The following CCDC171 variants were observed in gnomAD, a reference collection of about 807,000 sequenced individuals.
CCDC171 encodes coiled-coil domain-containing protein 171.
CCDC171 carries 177 observed loss-of-function variants against 168.2 expected under a neutral mutation model. That is an observed-to-expected ratio of 1.05 (90% CI 0.93 to 1.19). The LOEUF is 1.19. Ranked by LOEUF, CCDC171 falls within the 50% of genes most tolerant of loss-of-function variation. CCDC171 has a pLI of 0.00. For missense variants in CCDC171, 1,991 were observed against 1,539.0 expected, an observed-to-expected ratio of 1.29 and a Z score of -4.91; for synonymous variants, 687 against 540.8, an observed-to-expected ratio of 1.27 and a Z score of -3.75.
chr9:15,688,276 T>G (rs1478653921), intron 10 of CCDC171, among the ~76,000 whole-genome samples: 1 of 152,126 alleles, frequency 6.6e-6, no homozygotes, highest in Non-Finnish European at 1.5e-5. Flanking sequence ...GGTTCACTGG[T>G]AAATTTATTT....
chr9:15,881,286 C>G (rs1205274790), intron 24 of CCDC171, among the ~76,000 whole-genome samples: 1 of 152,072 alleles, frequency 6.6e-6, no homozygotes, highest in Non-Finnish European at 1.5e-5. Context: ...AAATGAAATA[C>G]TAAGGTGCGT....
At chr9:15,619,576 T>C (rs1304986784) in intron 6 of CCDC171, among the ~76,000 whole-genome samples, 1 of 152,170 alleles carries the variant, frequency 6.6e-6, no homozygotes, top group Non-Finnish European at 1.5e-5. Context: ...GAGAGATTGG[T>C]TCATGACTTT....
chr9:16,048,263 T>A (rs1347624193), intron 1 of CCDC171, among the ~76,000 whole-genome samples: 2 of 152,184 alleles, frequency 1.3e-5, no homozygotes, highest in Non-Finnish European at 2.9e-5. Context: ...GGGAAACGTG[T>A]AGAGCTCTTA....
chr9:15,897,561 A>G (rs1462994865), intron 24 of CCDC171, among the ~76,000 whole-genome samples: 1 of 152,154 alleles, frequency 6.6e-6, no homozygotes. Context: ...TTATTTACAT[A>G]AACAAAAATC....
At chr9:15,943,627 C>G (rs562946521) in intron 25 of CCDC171, among the ~76,000 whole-genome samples, 1 of 151,996 alleles carries the variant, frequency 6.6e-6, no homozygotes, top group Non-Finnish European at 1.5e-5. Flanking sequence ...TTGCCAAGTG[C>G]CCAACGAAGG....
intron 19 of CCDC171, among the ~76,000 whole-genome samples, chr9:15,778,166 G>A (rs950623555): frequency 1.5e-4 from 23 of 150,724 alleles, no homozygotes; most frequent in African/African-American, 4.6e-4. Flanking sequence ...GCGCGGTGGC[G>A]GGCGCCTGTA....
intron 10 of CCDC171, among the ~76,000 whole-genome samples, chr9:15,685,773 G>T (rs1587953148): frequency 6.6e-6 from 1 of 152,192 alleles, no homozygotes; most frequent in South Asian, 2.1e-4. Context: ...CTTGTCAACT[G>T]TAAAACAAGT....
chr9:15,980,927 C>A (rs973268848), intron 3 of CCDC171, among the ~76,000 whole-genome samples: 1 of 151,266 alleles, frequency 6.6e-6, no homozygotes, highest in African/African-American at 2.4e-5. Flanking sequence ...ACCTACAGTT[C>A]CATGTGGTTG....
chr9:15,892,630 A>G (rs1589021182), intron 24 of CCDC171, among the ~76,000 whole-genome samples: 1 of 152,126 alleles, frequency 6.6e-6, no homozygotes, highest in South Asian at 2.1e-4. Context: ...TGCAAAAATC[A>G]CCAACAACAG....
intron 9 of CCDC171, among the ~76,000 whole-genome samples, chr9:15,668,465 A>C (rs2048884249): frequency 6.6e-6 from 1 of 152,210 alleles, no homozygotes; most frequent in African/African-American, 2.4e-5. Context: ...TACATATTCC[A>C]ACTAGGCACT....
intron 21 of CCDC171, among the ~76,000 whole-genome samples, chr9:15,810,090 A>C (rs774855685): frequency 1.3e-5 from 2 of 152,062 alleles, no homozygotes; most frequent in Admixed American, 6.5e-5. Flanking sequence ...CTAGACACAG[A>C]GTGCTGATTG....
chr9:16,014,227 C>G (rs1276216745), intron 3 of CCDC171, among the ~76,000 whole-genome samples: 3 of 152,204 alleles, frequency 2.0e-5, no homozygotes, highest in Non-Finnish European at 2.9e-5. Flanking sequence ...GATTCTATTT[C>G]AAGAAACCAT....
At position 16,049,724 on chromosome 9, in the gene CCDC171, T is replaced by C. The variant is rs528441403; in HGVS notation, n.89+6838T>C. Among the ~76,000 whole-genome samples, 38 of 152,266 alleles carry C rather than the reference T, an allele frequency of 2.5e-4. No homozygotes were observed. In the South Asian group the frequency reaches 7.9e-3, roughly 32 times the overall value. ...CATCCCCGGGTCTCCAGCTTGCAGA[T>C]GGCCTGTCATGGGGTTTTTCAGCCT... is the stretch of plus-strand genomic sequence containing the variant. On this transcript the variant is annotated intron_variant and non_coding_transcript_variant, in intron 1 of 1. Transcript: ENST00000478913.
At chr9:15,620,822 G>C (rs1587469710) in intron 6 of CCDC171, among the ~76,000 whole-genome samples, 1 of 152,060 alleles carries the variant, frequency 6.6e-6, no homozygotes, top group Admixed American at 6.6e-5. Flanking sequence ...GGCACTGACT[G>C]CCCAGCCTTC....
intron 25 of CCDC171, among the ~76,000 whole-genome samples, chr9:15,957,506 C>T (rs1397170597): frequency 1.3e-5 from 2 of 152,114 alleles, no homozygotes; most frequent in African/African-American, 2.4e-5. Context: ...CTGTTTCCCC[C>T]TAACTGTCCT....
At chr9:15,991,559 A>T (rs1832200730) in intron 3 of CCDC171, among the ~76,000 whole-genome samples, 1 of 152,168 alleles carries the variant, frequency 6.6e-6, no homozygotes, top group Non-Finnish European at 1.5e-5. Context: ...AGCTAGCAGA[A>T]GGCAAGAAAT....
At chr9:15,967,360 A>G (rs1270834887) in intron 25 of CCDC171, among the ~76,000 whole-genome samples, 1 of 152,230 alleles carries the variant, frequency 6.6e-6, no homozygotes, top group Admixed American at 6.5e-5. Flanking sequence ...GAAGTAATGA[A>G]AAGAGTACTA....
At chr9:16,042,549 C>A (rs1015770499), upstream of CCDC171, among the ~76,000 whole-genome samples, 1 of 152,162 alleles carries the variant, frequency 6.6e-6, no homozygotes, top group Non-Finnish European at 1.5e-5. Flanking sequence ...CCCCTGAGGA[C>A]AAAGTGTTAA....
chr9:15,759,632 G>A (rs904428379), intron 18 of CCDC171, among the ~76,000 whole-genome samples: 2 of 152,108 alleles, frequency 1.3e-5, no homozygotes, highest in African/African-American at 2.4e-5. Context: ...CTAGTTATTT[G>A]TAGAATATCC....
Sources: allele counts gnomAD v4.1 joint callset (sites outside exome capture counted in the v4.1 genomes callset), GRCh38; gene constraint gnomAD v4.1.1; transcripts MANE v1.5; gene names NCBI Gene and HGNC (gene_info 2026-07-23, HGNC 2026-07-21).